RLIM: variants seen among roughly 807,000 people sequenced by gnomAD.
RLIM encodes ring finger protein, LIM domain interacting.
Under a neutral mutation model 34.0 loss-of-function variants are expected in RLIM, and 2 were observed. The ratio of observed to expected loss-of-function variants is 0.06; its 90% CI spans 0.02 to 0.19. RLIM has a LOEUF of 0.19. Ranked by LOEUF, RLIM falls within the 10% of genes least tolerant of loss-of-function variation. The pLI is 1.00. For missense variants in RLIM, 286 were observed against 479.7 expected (o/e 0.60, Z 3.77); for synonymous variants, 169 against 164.0 (o/e 1.03, Z -0.23).
chrX:74,605,127 A>G, intron 1 of RLIM, among the ~76,000 whole-genome samples: 1 of 111,604 alleles, frequency 9.0e-6, no homozygotes, highest in Middle Eastern at 4.7e-3. Context: ...GGTCCCCTGG[A>G]CTAGACATAA....
rs1479384713 is a variant in RLIM at position 74,591,871 on chromosome X, CGGAACTGGAACTAGGACTGGAACT to C, written c.1420_1443del (p.Ser474_Ser481del). 1 of 1,209,384 alleles carries C rather than the reference CGGAACTGGAACTAGGACTGGAACT, an allele frequency of 8.3e-7. No individual in the cohort carries two copies. The highest frequency in any genetic ancestry group is 1.1e-6 in the Non-Finnish European group (1 of 894,980). On this transcript the variant is annotated inframe_deletion, in exon 4 of 4. Coordinates refer to ENST00000332687, the MANE Select transcript of RLIM (RefSeq NM_016120.4). ...GAGCTAGTTTCTGAACTTTCACCAC[CGGAACTGGAACTAGGACTGGAACT>C]GGAACTTGAACTGGAACTGGAACTC...
intron 2 of RLIM, among the ~76,000 whole-genome samples, chrX:74,594,921 G>C (rs1193920554): frequency 3.2e-5 from 3 of 93,677 alleles, no homozygotes; most frequent in Non-Finnish European, 6.2e-5. Context: ...AAAAAAAAAA[G>C]GCAAAGGCAA....
intron 1 of RLIM, among the ~76,000 whole-genome samples, chrX:74,604,864 C>T (rs1263312750): frequency 9.0e-6 from 1 of 110,955 alleles, no homozygotes; most frequent in Non-Finnish European, 1.9e-5. Context: ...AAATCACTAC[C>T]TCTTCAATAA....
chrX:74,596,021 A>G, intron 1 of RLIM, 21 bp from the exon 2 acceptor site: 1 of 997,635 alleles, frequency 1.0e-6, no homozygotes, highest in Non-Finnish European at 1.4e-6. Context: ...AAAAGAGACT[A>G]ATCTTGAAAA....
chrX:74,601,565 T>C (rs1043622762), intron 1 of RLIM, among the ~76,000 whole-genome samples: 3 of 111,826 alleles, frequency 2.7e-5, no homozygotes, highest in South Asian at 3.7e-4. Flanking sequence ...TTGCTTCACA[T>C]AGGGATGGTT....
intron 1 of RLIM, among the ~76,000 whole-genome samples, chrX:74,604,467 A>C (rs2079674822): frequency 9.3e-6 from 1 of 107,776 alleles, no homozygotes. Flanking sequence ...CCAAATAGGG[A>C]GAGTTTCAAA....
At chrX:74,609,659 G>A (rs1367633516) in intron 1 of RLIM, among the ~76,000 whole-genome samples, 1 of 110,262 alleles carries the variant, frequency 9.1e-6, no homozygotes, top group Middle Eastern at 4.3e-3. Flanking sequence ...TGAAGAGGGT[G>A]ACAATATATC....
At chrX:74,603,361 C>T (rs2079669170) in intron 1 of RLIM, among the ~76,000 whole-genome samples, 1 of 110,554 alleles carries the variant, frequency 9.0e-6, no homozygotes, top group Admixed American at 9.6e-5. Context: ...TTCACCAACC[C>T]TTAAAGATCC....
At position 74,594,396 on chromosome X, in the gene RLIM, T is replaced by G; in HGVS notation, c.170-7A>C. 5 of 1,174,379 alleles carry G rather than the reference T, an allele frequency of 4.3e-6. No individual in the cohort carries two copies. Among genetic ancestry groups the G allele is most frequent in the Non-Finnish European group, 5.8e-6 (5 of 866,718 alleles). On this transcript the variant is annotated splice_region_variant and splice_polypyrimidine_tract_variant and intron_variant, in intron 2 of 3. Coordinates refer to ENST00000332687, the MANE Select transcript of RLIM (RefSeq NM_016120.4). ...TCTTCCTCAGTACTTTCACCTGAAATTTAACACCACAGGGCAAAGATGACA... is the reference window on the plus strand; with the variant it reads ...TCTTCCTCAGTACTTTCACCTGAAAGTTAACACCACAGGGCAAAGATGACA...
At chrX:74,604,122 AAAAAATCATT>A (rs1240136049) in intron 1 of RLIM, among the ~76,000 whole-genome samples, 1 of 109,673 alleles carries the variant, frequency 9.1e-6, no homozygotes, top group Non-Finnish European at 1.9e-5. Context: ...TCAAAAAAAA[AAAAAATCATT>A]TCAACATAAA....
At chrX:74,609,595 C>A (rs2079699001) in intron 1 of RLIM, among the ~76,000 whole-genome samples, 1 of 108,170 alleles carries the variant, frequency 9.2e-6, no homozygotes, top group African/African-American at 3.4e-5. Flanking sequence ...TATTTAAGAC[C>A]AACCATGCTG....
At chrX:74,604,400 T>A (rs141060906) in intron 1 of RLIM, among the ~76,000 whole-genome samples, 312 of 111,949 alleles carry the variant, frequency 2.8e-3, no homozygotes, top group African/African-American at 9.8e-3. Flanking sequence ...TAGTGGTTAA[T>A]GGCTACCATA....
intron 1 of RLIM, among the ~76,000 whole-genome samples, chrX:74,613,861 A>C (rs1410929824): frequency 4.5e-5 from 5 of 110,138 alleles, no homozygotes; most frequent in African/African-American, 1.7e-4. Context: ...TCAGATCCTC[A>C]GGGAAGATGT....
intron 1 of RLIM, among the ~76,000 whole-genome samples, chrX:74,603,252 T>C (rs199986833): frequency 9.0e-6 from 1 of 110,600 alleles, no homozygotes; most frequent in East Asian, 2.9e-4. Context: ...CCACTTAGGT[T>C]ACCTCTACCC....
At chrX:74,610,993 G>GA (rs918117619) in intron 1 of RLIM, among the ~76,000 whole-genome samples, 7 of 109,548 alleles carry the variant, frequency 6.4e-5, no homozygotes, top group Middle Eastern at 4.3e-3. Context: ...TTGAGGCTGA[G>GA]AAAAAAAAAT....
chrX:74,583,609 G>A lies in RLIM; in HGVS notation c.*7831C>T. On this transcript the variant is annotated 3_prime_UTR_variant, in exon 4 of 4. Coordinates refer to ENST00000332687, the MANE Select transcript of RLIM (RefSeq NM_016120.4). ...GAAATAAAACACCTTGATACCGTTT[G>A]CCCTAGGGCTGATTACAAGGTACAC... 2.2e-6 allele frequency: 1 copy of A among 446,963 alleles called. No individual in the cohort carries two copies. The highest frequency in any genetic ancestry group is 3.9e-6 in the Non-Finnish European group (1 of 253,345). The allele number at this position is 446,963 out of a possible 1,213,427, so 36.8% of individuals were successfully genotyped here.
chrX:74,611,387 CTCAAAGATA>C (rs2079710223), intron 1 of RLIM, among the ~76,000 whole-genome samples: 1 of 111,995 alleles, frequency 8.9e-6, no homozygotes, highest in African/African-American at 3.2e-5. Flanking sequence ...GTTCACTAAC[CTCAAAGATA>C]TCCAACCAGC....
chrX:74,594,285 C>CT, intron 3 of RLIM, 21 bp downstream of exon 3: 11 of 1,158,772 alleles, frequency 9.5e-6, no homozygotes, highest in Non-Finnish European at 1.3e-5. Context: ...TATCCACCTC[C>CT]CCACCAAAAC....
intron 1 of RLIM, among the ~76,000 whole-genome samples, chrX:74,608,427 T>TAAAAAA (rs763197483): frequency 2.6e-5 from 2 of 77,893 alleles, no homozygotes; most frequent in Admixed American, 1.5e-4. Flanking sequence ...AAAGCATTCC[T>TAAAAAA]AAAAAAAAAA....
Sources: gnomAD v4.1 joint callset for allele counts (sites outside exome capture counted in the v4.1 genomes callset) on GRCh38, gnomAD v4.1.1 for gene constraint, MANE v1.5 for transcripts, NCBI Gene and HGNC (gene_info 2026-07-23, HGNC 2026-07-21) for gene names.